Variants in FAM114A2 observed in about 807,000 individuals in gnomAD.
FAM114A2 encodes family with sequence similarity 114 member A2.
In FAM114A2, 53 loss-of-function variants were observed where a neutral mutation model predicts 58.4. The observed-to-expected ratio is 0.91, with a 90% confidence interval of 0.73 to 1.14. FAM114A2 has a LOEUF of 1.14. FAM114A2 is among the 50% of genes most tolerant of loss of function. The pLI, the probability that FAM114A2 is intolerant of heterozygous loss-of-function variation, is 0.00. For missense variants in FAM114A2, 601 were observed against 581.1 expected, an observed-to-expected ratio of 1.03 and a Z score of -0.35; for synonymous variants, 228 against 211.4, an observed-to-expected ratio of 1.08 and a Z score of -0.68.
chr5:154,026,057 C>A (rs1342498153), intron 8 of FAM114A2, among the ~76,000 whole-genome samples: 5 of 152,108 alleles, frequency 3.3e-5, no homozygotes, highest in Non-Finnish European at 7.3e-5. Flanking sequence ...TATGAAAGCT[C>A]ATATGAATGA....
At position 154,034,798 on chromosome 5, in the gene FAM114A2, T is replaced by A. The variant is rs1772437033; in HGVS notation, c.156A>T (p.Arg52Ser). ...KSEPVVSTRKRPETKPSSDLE... is the reference protein window; with the variant it reads ...KSEPVVSTRKSPETKPSSDLE... ...GGTCACTGGAAGGTTTGGTCTCTGG[T>A]CTTTTCCGAGTGGAAACTACAGGTT... Residue 52 changes from arginine to serine, a missense_variant, in exon 2 of 14, where the codon AGA becomes AGT. By Grantham distance (110) the Arg-to-Ser change is moderately radical. Transcript: ENST00000351797. 6.2e-7 allele frequency: 1 copy of A among 1,614,008 alleles called. No homozygotes were observed. Among genetic ancestry groups the A allele is most frequent in the Non-Finnish European group, 8.5e-7 (1 of 1,179,962 alleles).
At chr5:154,011,838 A>C (rs576429175) in intron 8 of FAM114A2, among the ~76,000 whole-genome samples, 2 of 152,212 alleles carry the variant, frequency 1.3e-5, no homozygotes, top group Non-Finnish European at 2.9e-5. Context: ...AAAAAGCCAA[A>C]GGTGAAAGAA....
At position 154,033,688 on chromosome 5, in the gene FAM114A2, G is replaced by C. The variant is rs113505358; in HGVS notation, c.403+103C>G. On this transcript the variant is annotated intron_variant, in intron 4 of 13. Transcript: ENST00000351797. ...ATACTCTTTCTCACTACAGTCCCAC[G>C]ATGCCCTGAGTATCAGATGTCCAAT... 538 of 684,550 alleles carry C rather than the reference G, an allele frequency of 7.9e-4. 1 individual carries two copies. The African/African-American group carries it at 8.3e-3, about 11-fold the overall frequency. The allele number at this position is 684,550 out of a possible 1,614,324, so 42.4% of individuals were successfully genotyped here.
rs1464458774 is a variant in FAM114A2, at chr5:154,034,808, G to C, written c.146C>G (p.Thr49Ser). 1 of 1,613,986 alleles carries C rather than the reference G, an allele frequency of 6.2e-7. No homozygotes were observed. Residue 49 changes from threonine (T) to serine (S), a missense_variant, in exon 2 of 14, where the codon ACT becomes AGT. Transcript: ENST00000351797. ...PESKSEPVVS[T>S]RKRPETKPSS... ...AGGTTTGGTCTCTGGTCTTTTCCGAGTGGAAACTACAGGTTCTGATTTACT... is the reference window on the plus strand; with the variant it reads ...AGGTTTGGTCTCTGGTCTTTTCCGACTGGAAACTACAGGTTCTGATTTACT...
intron 1 of FAM114A2, chr5:154,036,497 A>G (rs1016103836): frequency 9.9e-5 from 15 of 152,216 alleles, no homozygotes; most frequent in Non-Finnish European, 4.4e-5. Flanking sequence ...ATATGTACTA[A>G]GTGCAGAATT....
intron 1 of FAM114A2, 124 bp from the exon 2 acceptor site, chr5:154,035,091 C>A: frequency 3.3e-6 from 2 of 608,796 alleles, no homozygotes; most frequent in South Asian, 2.2e-5. Context: ...TACAGAGATC[C>A]CATATACCTT....
chr5:154,018,032 C>A (rs1297184864), intron 8 of FAM114A2, among the ~76,000 whole-genome samples: 1 of 151,966 alleles, frequency 6.6e-6, no homozygotes. Flanking sequence ...CAAACCAAAC[C>A]CAAACCCAGC....
intron 13 of FAM114A2, among the ~76,000 whole-genome samples, chr5:153,993,442 G>C (rs530837256): frequency 1.7e-3 from 255 of 152,158 alleles, no homozygotes; most frequent in Non-Finnish European, 2.9e-3. Context: ...ACAATATTGT[G>C]GTCAATTACT....
chr5:154,034,354 G>T lies in FAM114A2; in HGVS notation c.234C>A (p.Pro78=), dbSNP rs11539779. The T allele has an allele frequency of 6.3e-7, 1 of 1,589,788 alleles. No homozygotes were observed. The highest frequency in any genetic ancestry group is 8.6e-7 in the Non-Finnish European group (1 of 1,168,222). The change falls in exon 3 of 14, where the codon CCC becomes CCA. Residue 78 remains proline, a synonymous_variant. Coordinates refer to ENST00000351797, the MANE Select transcript of FAM114A2 (RefSeq NM_018691.4). ...TCCCCCAATAACCCCATCTGGTCTG[G>T]GGTACATCTTTGGAAACATTATCCT... The part of the protein sequence containing the change: ...PIQDNVSKDV[P]QTRWGYWGSW...
At chr5:154,010,830 G>A (rs1770644066) in intron 9 of FAM114A2, among the ~76,000 whole-genome samples, 3 of 152,132 alleles carry the variant, frequency 2.0e-5, no homozygotes, top group Admixed American at 1.3e-4. Context: ...TGGGCTCTGG[G>A]TAATGACAAC....
chr5:154,020,675 G>A (rs1035701492), intron 8 of FAM114A2, among the ~76,000 whole-genome samples: 1 of 152,054 alleles, frequency 6.6e-6, no homozygotes, highest in Non-Finnish European at 1.5e-5. Context: ...ACCAAAAAAA[G>A]TCCAGGATCA....
At chr5:154,033,980 A>G in intron 3 of FAM114A2, 97 bp from the exon 4 acceptor site, 1 of 769,080 alleles carries the variant, frequency 1.3e-6, no homozygotes, top group Admixed American at 2.6e-5. Context: ...TAGGACCACA[A>G]GACATGTTAT....
chr5:154,024,564 AAG>A (rs1461942144), intron 8 of FAM114A2, among the ~76,000 whole-genome samples: 1 of 152,136 alleles, frequency 6.6e-6, no homozygotes, highest in East Asian at 1.9e-4. Context: ...CAACTTTACA[AAG>A]ATACATAGTT....
chr5:154,011,521 C>G (rs1304325516), intron 8 of FAM114A2, among the ~76,000 whole-genome samples: 1 of 152,112 alleles, frequency 6.6e-6, no homozygotes, highest in Admixed American at 6.5e-5. Flanking sequence ...CTTCAATGGG[C>G]TTGAGAGAAA....
chr5:154,031,182 C>G (rs187975297), intron 4 of FAM114A2, among the ~76,000 whole-genome samples: 4 of 151,740 alleles, frequency 2.6e-5, no homozygotes, highest in Non-Finnish European at 5.9e-5. Context: ...CATGGTGGCC[C>G]ATGCTTGCAA....
intron 9 of FAM114A2, among the ~76,000 whole-genome samples, chr5:154,007,113 C>A (rs1391604292): frequency 6.6e-6 from 1 of 152,042 alleles, no homozygotes; most frequent in Non-Finnish European, 1.5e-5. Flanking sequence ...TTTTAGTAGG[C>A]ATAGAGCATA....
Position 154,034,681 on chromosome 5 carries a change from C to T in FAM114A2, c.210+63G>A. ...GGTATTTATGCCAAATTTCTTTTAGCCCCAACATTTTTTAATCCTAATATT... is the reference window on the plus strand; with the variant it reads ...GGTATTTATGCCAAATTTCTTTTAGTCCCAACATTTTTTAATCCTAATATT... On this transcript the variant is annotated intron_variant, in intron 2 of 13. Coordinates refer to ENST00000351797, the MANE Select transcript of FAM114A2 (RefSeq NM_018691.4). 4 of 1,212,910 alleles carry T rather than the reference C, an allele frequency of 3.3e-6. No homozygotes were observed. The South Asian group carries it at 3.8e-5, about 12-fold the overall frequency. The allele number at this position is 1,212,910 out of a possible 1,614,324, so 75.1% of individuals were successfully genotyped here.
chr5:154,008,590 C>G (rs1375482626), intron 9 of FAM114A2, among the ~76,000 whole-genome samples: 4 of 151,996 alleles, frequency 2.6e-5, no homozygotes, highest in African/African-American at 9.7e-5. Context: ...TATCTTCAGA[C>G]TATGTGTATA....
In FAM114A2 at chr5:153,993,102, G is replaced by A; in HGVS notation, c.1392C>T (p.Asn464=). The A allele has an allele frequency of 6.2e-7, 1 of 1,606,652 alleles. No individual in the cohort carries two copies. The highest frequency in any genetic ancestry group is 8.5e-7 in the Non-Finnish European group (1 of 1,176,312). The change falls in exon 14 of 14, where the codon AAC becomes AAT. Residue 464 remains asparagine, a synonymous_variant. Coordinates refer to ENST00000351797, the MANE Select transcript of FAM114A2 (RefSeq NM_018691.4). ...AGGCGTCCTGGATGTAGGAGGCACT[G>A]TTTGATGCCTGCCAGGATTGAAAAA... ...LITAVFLEAS[N]SASYIQDAFQ...
Sources: gnomAD v4.1 joint callset for allele counts (sites outside exome capture counted in the v4.1 genomes callset) on GRCh38, gnomAD v4.1.1 for gene constraint, MANE v1.5 for transcripts, NCBI Gene and HGNC (gene_info 2026-07-23, HGNC 2026-07-21) for gene names.